Variants in TENM2 observed in about 807,000 individuals in gnomAD.
The protein encoded by TENM2 is teneurin-2.
Under a neutral mutation model 245.2 loss-of-function variants are expected in TENM2, and 52 were observed. The observed-to-expected ratio is 0.21, with a 90% CI of 0.17 to 0.27. The LOEUF (loss-of-function observed/expected upper bound fraction) is 0.27. Ranked by LOEUF, TENM2 falls within the 10% of genes least tolerant of loss-of-function variation. The pLI, the probability that TENM2 is intolerant of heterozygous loss-of-function variation, is 1.00. For missense variants in TENM2, 3,046 were observed against 3,666.8 expected (o/e 0.83, Z 4.37); for synonymous variants, 1,363 against 1,438.9 (o/e 0.95, Z 1.19).
chr5:167,367,125 T>C (rs1426877836), intron 1 of TENM2, among the ~76,000 whole-genome samples: 1 of 152,138 alleles, frequency 6.6e-6, no homozygotes, highest in Non-Finnish European at 1.5e-5. Flanking sequence ...CTTTGAAAGT[T>C]ATAAGCTTAC....
intron 2 of TENM2, among the ~76,000 whole-genome samples, chr5:167,608,772 C>T (rs894321704): frequency 2.2e-4 from 34 of 152,252 alleles, no homozygotes; most frequent in Non-Finnish European, 5.9e-5. Flanking sequence ...GAGGGTTGTC[C>T]AGTGTTTCCT....
chr5:167,322,187 G>T (rs531306210), intron 1 of TENM2, among the ~76,000 whole-genome samples: 1 of 148,860 alleles, frequency 6.7e-6, no homozygotes, highest in South Asian at 2.2e-4. Flanking sequence ...TATGATGCTC[G>T]TGTATTTAAG....
chr5:167,571,154 C>T (rs1427431663), intron 2 of TENM2, among the ~76,000 whole-genome samples: 1 of 152,082 alleles, frequency 6.6e-6, no homozygotes, highest in Non-Finnish European at 1.5e-5. Context: ...AATGGAAGTT[C>T]ACATTTACTG....
intron 5 of TENM2, among the ~76,000 whole-genome samples, chr5:168,025,350 G>T (rs990698722): frequency 1.3e-5 from 2 of 152,216 alleles, no homozygotes; most frequent in African/African-American, 4.8e-5. Context: ...TTTGAGAATG[G>T]TTAAAGTGGA....
intron 1 of TENM2, among the ~76,000 whole-genome samples, chr5:167,317,040 T>C (rs1756405060): frequency 6.6e-6 from 1 of 152,154 alleles, no homozygotes; most frequent in South Asian, 2.1e-4. Flanking sequence ...TCAGCCTTTA[T>C]TTTCTTATCA....
At chr5:167,555,833 C>A (rs891019796) in intron 2 of TENM2, among the ~76,000 whole-genome samples, 3 of 151,984 alleles carry the variant, frequency 2.0e-5, no homozygotes, top group Non-Finnish European at 4.4e-5. Flanking sequence ...GCACGGCACC[C>A]TCTGAAATGA....
chr5:167,141,412 A>G, the TENM2 span, among the ~76,000 whole-genome samples: 13 of 152,304 alleles, frequency 8.5e-5, no homozygotes, highest in African/African-American at 3.1e-4. Flanking sequence ...CTTTGACAAC[A>G]TTTGTTAAAT....
chr5:167,049,021 T>C, the TENM2 span, among the ~76,000 whole-genome samples: 1 of 152,200 alleles, frequency 6.6e-6, no homozygotes, highest in African/African-American at 2.4e-5. Flanking sequence ...ACCACAATGT[T>C]GAAACTACAT....
At chr5:167,950,735 T>A (rs1343087767) in intron 3 of TENM2, among the ~76,000 whole-genome samples, 1 of 152,134 alleles carries the variant, frequency 6.6e-6, no homozygotes, top group Non-Finnish European at 1.5e-5. Flanking sequence ...TCCACTAATA[T>A]GAGACAGACA....
chr5:167,326,725 A>T (rs922694992), intron 1 of TENM2, among the ~76,000 whole-genome samples: 20 of 145,876 alleles, frequency 1.4e-4, no homozygotes, highest in African/African-American at 5.0e-4. Flanking sequence ...ATATATATAA[A>T]ATAAAGTCAA....
intron 5 of TENM2, among the ~76,000 whole-genome samples, chr5:168,019,605 G>A (rs79654849): frequency 0.031 from 4,773 of 152,228 alleles, 107 homozygotes; most frequent in Non-Finnish European, 0.049. Context: ...CCTGGAGCCA[G>A]CCCCTGGGAA....
chr5:167,114,846 A>C, the TENM2 span, among the ~76,000 whole-genome samples: 1 of 152,260 alleles, frequency 6.6e-6, no homozygotes, highest in Non-Finnish European at 1.5e-5. Context: ...CCACATACAC[A>C]TGAATAGTGG....
chr5:167,424,622 A>G (rs1763701579), intron 2 of TENM2, among the ~76,000 whole-genome samples: 1 of 152,172 alleles, frequency 6.6e-6, no homozygotes, highest in Admixed American at 6.5e-5. Flanking sequence ...TAACCTCTCA[A>G]TACAATTAAA....
At chr5:167,315,864 AAAAG>A (rs1269860237) in intron 1 of TENM2, among the ~76,000 whole-genome samples, 1 of 152,134 alleles carries the variant, frequency 6.6e-6, no homozygotes, top group Non-Finnish European at 1.5e-5. Context: ...TGTTAAATGA[AAAAG>A]AAAATTAGGA....
rs1034235120 is a variant in TENM2 at position 167,829,401 on chromosome 5, T to C, written c.503-46585T>C. On this transcript the variant is annotated intron_variant, in intron 2 of 28. Transcript: ENST00000518659. ...GGAGACATGAACCACACACTGAGCATCTGATTAAAGTTGGGGGTTCTATGC... is the reference window on the plus strand; with the variant it reads ...GGAGACATGAACCACACACTGAGCACCTGATTAAAGTTGGGGGTTCTATGC... 7.2e-5 allele frequency among the ~76,000 whole-genome samples: 11 copies of C among 152,256 alleles called. No homozygotes were observed. The South Asian group carries it at 2.1e-3, about 29-fold the overall frequency.
chr5:168,141,579 G>T (rs1755553486), intron 12 of TENM2, among the ~76,000 whole-genome samples: 1 of 152,178 alleles, frequency 6.6e-6, no homozygotes, highest in Admixed American at 6.5e-5. Flanking sequence ...AGTGTCTCTT[G>T]ATCTAATTGG....
chr5:167,446,793 G>GGA (rs1765241862), intron 2 of TENM2, among the ~76,000 whole-genome samples: 1 of 143,914 alleles, frequency 6.9e-6, no homozygotes, highest in Non-Finnish European at 1.5e-5. Context: ...TTTGAAACAC[G>GGA]CACACACACA....
At chr5:167,103,155 G>A in the TENM2 span, among the ~76,000 whole-genome samples, 1 of 152,332 alleles carries the variant, frequency 6.6e-6, no homozygotes, top group East Asian at 1.9e-4. Context: ...TCCCATGGCT[G>A]ATAAGAGCTT....
intron 2 of TENM2, among the ~76,000 whole-genome samples, chr5:167,688,274 CTT>C (rs1200076795): frequency 6.6e-6 from 1 of 152,110 alleles, no homozygotes; most frequent in Non-Finnish European, 1.5e-5. Context: ...GCTTTATAGT[CTT>C]TTTTCTCTTA....
Sources: allele counts gnomAD v4.1 joint callset (sites outside exome capture counted in the v4.1 genomes callset), GRCh38; gene constraint gnomAD v4.1.1; transcripts MANE v1.5; gene names NCBI Gene and HGNC (gene_info 2026-07-23, HGNC 2026-07-21).